FUT9: variants seen among roughly 807,000 people sequenced by gnomAD.
FUT9 encodes fucosyltransferase 9.
In FUT9, 15 loss-of-function variants were observed where a neutral mutation model predicts 29.7. The ratio of observed to expected loss-of-function variants is 0.51; its 90% confidence interval spans 0.34 to 0.78. The LOEUF is 0.78. FUT9 is among the 30% of genes least tolerant of loss of function. FUT9 has a pLI of 0.01. For missense variants in FUT9, 319 were observed against 425.4 expected, an observed-to-expected ratio of 0.75 and a Z score of 2.20; for synonymous variants, 169 against 153.7, an observed-to-expected ratio of 1.10 and a Z score of -0.74.
At chr6:96,120,258 C>CT (rs1771997253) in intron 2 of FUT9, among the ~76,000 whole-genome samples, 1 of 129,616 alleles carries the variant, frequency 7.7e-6, no homozygotes, top group African/African-American at 2.8e-5. Flanking sequence ...CCCACTTTTT[C>CT]TTTTTTCTTT....
chr6:96,199,808 A>G (rs532910258), intron 2 of FUT9, among the ~76,000 whole-genome samples: 1 of 152,282 alleles, frequency 6.6e-6, no homozygotes. Flanking sequence ...ACTTGTACAT[A>G]GTTGAGATGC....
intron 2 of FUT9, among the ~76,000 whole-genome samples, chr6:96,181,577 A>ATACCTCATCCCT (rs1554198432): frequency 6.8e-5 from 1 of 14,784 alleles, no homozygotes; most frequent in East Asian, 0.015. Flanking sequence ...GTAGTCTTTT[A>ATACCTCATCCCT]TCCCTCTCCT....
At chr6:96,066,107 C>T (rs1582205831) in intron 1 of FUT9, among the ~76,000 whole-genome samples, 1 of 152,110 alleles carries the variant, frequency 6.6e-6, no homozygotes, top group Admixed American at 6.6e-5. Flanking sequence ...TTTAGAGTTA[C>T]ACAACCCTGA....
At chr6:96,163,924 TAGG>T (rs906483429) in intron 2 of FUT9, among the ~76,000 whole-genome samples, 2 of 152,202 alleles carry the variant, frequency 1.3e-5, no homozygotes, top group African/African-American at 4.8e-5. Context: ...TCGATCAATT[TAGG>T]AGTTTATTTT....
chr6:96,157,216 G>T (rs891763983), intron 2 of FUT9, among the ~76,000 whole-genome samples: 1 of 152,010 alleles, frequency 6.6e-6, no homozygotes, highest in African/African-American at 2.4e-5. Flanking sequence ...CTTCACTTTC[G>T]TTTTCTCTTG....
intron 1 of FUT9, among the ~76,000 whole-genome samples, chr6:96,096,071 T>C (rs992906903): frequency 6.6e-6 from 1 of 152,146 alleles, no homozygotes; most frequent in African/African-American, 2.4e-5. Context: ...CAACTACCTA[T>C]ACAATGTCTC....
At chr6:96,123,629 G>C (rs564763156) in intron 2 of FUT9, among the ~76,000 whole-genome samples, 2 of 152,176 alleles carry the variant, frequency 1.3e-5, no homozygotes, top group Non-Finnish European at 2.9e-5. Flanking sequence ...CTGAGAGGCA[G>C]AGCCATTAAT....
intron 1 of FUT9, among the ~76,000 whole-genome samples, chr6:96,108,202 A>G (rs1375894833): frequency 6.6e-6 from 1 of 152,074 alleles, no homozygotes; most frequent in African/African-American, 2.4e-5. Flanking sequence ...CATTTTTTGG[A>G]CTGTGAGGGG....
intron 2 of FUT9, among the ~76,000 whole-genome samples, chr6:96,116,682 C>T (rs759588280): frequency 2.6e-5 from 4 of 151,986 alleles, no homozygotes; most frequent in Non-Finnish European, 5.9e-5. Flanking sequence ...GAAGGGAAGC[C>T]CAAATGACTG....
intron 1 of FUT9, among the ~76,000 whole-genome samples, chr6:96,069,707 C>T (rs2127946990): frequency 6.6e-6 from 1 of 151,912 alleles, no homozygotes; most frequent in East Asian, 1.9e-4. Flanking sequence ...TCTTGGCTCA[C>T]TGCAACATCC....
chr6:96,178,546 C>G (rs780907669), intron 2 of FUT9, among the ~76,000 whole-genome samples: 41 of 152,188 alleles, frequency 2.7e-4, no homozygotes, highest in Admixed American at 4.6e-4. Context: ...TTTCTATTGT[C>G]CTCGGCTCAA....
At chr6:96,069,030 T>A (rs907272222) in intron 1 of FUT9, among the ~76,000 whole-genome samples, 2 of 152,086 alleles carry the variant, frequency 1.3e-5, no homozygotes, top group African/African-American at 4.8e-5. Flanking sequence ...TAGTTAAGAA[T>A]CATTGACCGG....
chr6:96,023,852 T>G (rs1164888029), intron 1 of FUT9, among the ~76,000 whole-genome samples: 1 of 151,888 alleles, frequency 6.6e-6, no homozygotes, highest in Non-Finnish European at 1.5e-5. Flanking sequence ...TTTCCTCTTT[T>G]TCTTCTTATT....
In FUT9 at chr6:96,147,906, G is replaced by C. The variant is rs148755077; in HGVS notation, c.-9+33779G>C. Among the ~76,000 whole-genome samples the C allele has an allele frequency of 2.5e-3, 380 of 150,600 alleles. 4 individuals carry two copies. Among genetic ancestry groups the C allele is most frequent in the African/African-American group, 8.9e-3 (365 of 40,850 alleles). On this transcript the variant is annotated intron_variant, in intron 2 of 2. Coordinates refer to ENST00000302103, the MANE Select transcript of FUT9 (RefSeq NM_006581.4). ...TATAGTTAATATTTCAGAAAAAAAAGTGCATTTGATATGTTTCTGCATCAG... is the reference window on the plus strand; with the variant it reads ...TATAGTTAATATTTCAGAAAAAAAACTGCATTTGATATGTTTCTGCATCAG...
chr6:96,086,160 A>G (rs1262080650), intron 1 of FUT9, among the ~76,000 whole-genome samples: 1 of 152,216 alleles, frequency 6.6e-6, no homozygotes, highest in African/African-American at 2.4e-5. Context: ...AACACTAACC[A>G]GACTTTTCTC....
At chr6:96,085,882 C>A (rs1340883882) in intron 1 of FUT9, among the ~76,000 whole-genome samples, 1 of 152,058 alleles carries the variant, frequency 6.6e-6, no homozygotes, top group Non-Finnish European at 1.5e-5. Flanking sequence ...AAATGGATAC[C>A]CAGCTTTCCA....
chr6:96,165,456 A>G (rs1772998909), intron 2 of FUT9, among the ~76,000 whole-genome samples: 1 of 151,234 alleles, frequency 6.6e-6, no homozygotes, highest in African/African-American at 2.4e-5. Flanking sequence ...GAGTCGATTC[A>G]CAATAGTCTT....
chr6:96,162,370 C>A (rs1016415411), intron 2 of FUT9, among the ~76,000 whole-genome samples: 1 of 152,140 alleles, frequency 6.6e-6, no homozygotes, highest in Non-Finnish European at 1.5e-5. Flanking sequence ...CAAATACACA[C>A]TCATAATTTC....
intron 2 of FUT9, among the ~76,000 whole-genome samples, chr6:96,184,101 T>G (rs1466804594): frequency 6.6e-6 from 1 of 152,000 alleles, no homozygotes; most frequent in Non-Finnish European, 1.5e-5. Context: ...TGGTAATTTT[T>G]TATTATTACC....
Sources: gnomAD v4.1 joint callset for allele counts (sites outside exome capture counted in the v4.1 genomes callset) on GRCh38, gnomAD v4.1.1 for gene constraint, MANE v1.5 for transcripts, NCBI Gene and HGNC (gene_info 2026-07-23, HGNC 2026-07-21) for gene names.